MYB: variants seen among roughly 807,000 people sequenced by gnomAD.
MYB encodes the protein transcriptional activator Myb.
A neutral mutation model predicts 92.9 loss-of-function variants in MYB; 28 were observed. The ratio of observed to expected loss-of-function variants is 0.30; its 90% confidence interval spans 0.22 to 0.41. The LOEUF (loss-of-function observed/expected upper bound fraction) is 0.41, where lower values mean the gene tolerates loss of function less well. Among genes scored for constraint, MYB ranks in the 10% least tolerant of loss-of-function variants. The probability of loss-of-function intolerance (pLI) is 1.00; values close to 1 mark genes in which losing one functional copy is unlikely to be tolerated. For missense variants in MYB, 679 were observed against 929.3 expected (o/e 0.73, Z 3.50); for synonymous variants, 295 against 329.1 (o/e 0.90, Z 1.12).
At chr6:135,210,221 A>G (rs1779523376) in intron 15 of MYB, among the ~76,000 whole-genome samples, 2 of 152,186 alleles carry the variant, frequency 1.3e-5, no homozygotes, top group Admixed American at 6.5e-5. Context: ...GAACTTCTGT[A>G]TTTTTCTCTT....
intron 15 of MYB, among the ~76,000 whole-genome samples, chr6:135,212,371 C>G (rs532457229): frequency 3.3e-5 from 5 of 150,650 alleles, no homozygotes; most frequent in African/African-American, 1.2e-4. Flanking sequence ...TAATAAGAAC[C>G]GTTTTTGTTC....
chr6:135,218,879 CT>C lies in MYB; in HGVS notation c.*905del. 8.8e-6 allele frequency: 2 copies of C among 228,270 alleles called. No homozygotes were observed. The highest frequency in any genetic ancestry group is 5.7e-5 in the Admixed American group (1 of 17,598). 14.1% of individuals were successfully genotyped at this position (228,270 alleles called of 1,614,324 possible). A position where few individuals can be genotyped will look rare whatever the true frequency, so the allele number is the denominator to read the frequency against. On this transcript the variant is annotated 3_prime_UTR_variant, in exon 16 of 16. Coordinates refer to ENST00000341911, the MANE Select transcript of MYB (RefSeq NM_001130173.2). Reference sequence around the variant, plus strand: ...GTTTATACAAGCATGCGTTGCACTTCTTTTTTGGGAGATGTGTGTTGTTGAT... The same window carrying C: ...GTTTATACAAGCATGCGTTGCACTTCTTTTTGGGAGATGTGTGTTGTTGAT...
At position 135,192,385 on chromosome 6, in the gene MYB, G is replaced by A. The variant is rs2128292451; in HGVS notation, c.589G>A (p.Gly197Ser). 6.2e-7 allele frequency: 1 copy of A among 1,614,214 alleles called. No homozygotes were observed. The highest frequency in any genetic ancestry group is 8.5e-7 in the Non-Finnish European group (1 of 1,180,024). ...AATGCGTCGGAAGGTCGAACAGGAA[G>A]GTTATCTGCAGGAGTCTTCAAAAGC... ...STMRRKVEQE[G>S]YLQESSKASQ... is the part of the protein sequence containing the mutation. The change falls in exon 6 of 16, where the codon GGT (glycine) becomes AGT (serine). Residue 197 changes from glycine (G) to serine (S), a missense_variant. Gly to Ser is a moderately conservative substitution (Grantham distance 56). This residue lies in a region of MYB where 37 missense variants were observed against 98.0 expected (regional missense o/e 0.38). Coordinates refer to ENST00000341911, the MANE Select transcript of MYB (RefSeq NM_001130173.2).
chr6:135,202,762 A>T (rs1778308162), intron 14 of MYB: 1 of 357,396 alleles, frequency 2.8e-6, no homozygotes, highest in African/African-American at 2.1e-5. Flanking sequence ...CTAATAAGGG[A>T]TGGTGCTGGG....
In MYB at chr6:135,212,224, C is replaced by CTTTTTTTTTTTTTTTTTTTTTTTTT. The variant is rs545704827; in HGVS notation, c.2170-5631_2170-5607dup. 4.0e-4 allele frequency among the ~76,000 whole-genome samples: 13 copies of CTTTTTTTTTTTTTTTTTTTTTTTTT among 32,886 alleles called. 3 individuals carry two copies. The highest frequency in any genetic ancestry group is 4.6e-4 in the African/African-American group (4 of 8,776). 21.6% of individuals were successfully genotyped at this position (32,886 alleles called of 152,430 possible). ...CATCTGATGAGTTGCTTTGGTTTTA[C>CTTTTTTTTTTTTTTTTTTTTTTTTT]TTTTTTTTTTTTTTTTTTTTTTTTT... On this transcript the variant is annotated intron_variant, in intron 15 of 15. Transcript: ENST00000341911.
chr6:135,202,818 T>A, intron 14 of MYB: 1 of 416,880 alleles, frequency 2.4e-6, no homozygotes. Flanking sequence ...TTTTCACCAT[T>A]TTTTGCCAAT....
intron 2 of MYB, among the ~76,000 whole-genome samples, chr6:135,186,510 T>C (rs957841246): frequency 1.2e-4 from 18 of 152,208 alleles, no homozygotes; most frequent in African/African-American, 4.3e-4. Context: ...AATTCACAAA[T>C]GCTTGGACCC....
In MYB at chr6:135,197,179, A is replaced by G. The variant is rs1489451146; in HGVS notation, c.1422A>G (p.Thr474=). Residue 474 remains threonine (T), a synonymous_variant, in exon 10 of 16, where the codon ACA becomes ACG. Coordinates refer to ENST00000341911, the MANE Select transcript of MYB (RefSeq NM_001130173.2). ...TCTTACCTCCTGCAAGGCACAGCAC[A>G]ATTCCACTGGTCATCCTTCGAAAAA... The part of the protein sequence containing the change: ...PKVLPPARHS[T]IPLVILRKKR... 1.9e-6 allele frequency: 3 copies of G among 1,613,982 alleles called. No individual in the cohort carries two copies. Among genetic ancestry groups the G allele is most frequent in the Non-Finnish European group, 2.5e-6 (3 of 1,179,880 alleles).
chr6:135,194,877 T>A, intron 8 of MYB: 1 of 1,144,498 alleles, frequency 8.7e-7, no homozygotes, highest in Non-Finnish European at 1.1e-6. Flanking sequence ...TGATGCATGT[T>A]CAGTATATAC....
rs1168038411 is a variant in MYB, at chr6:135,190,648, A to G, written c.527+301A>G. On this transcript the variant is annotated intron_variant, in intron 5 of 15. Coordinates refer to ENST00000341911, the MANE Select transcript of MYB (RefSeq NM_001130173.2). This position sits in a 1 kb window ranked among gnomAD's most constrained non-coding sequence, Gnocchi z 4.5. ...TTAGGATCAAGTAAAATGAATGTCAAAGGACTTGGTAAACTATAAAACTCT... is the reference window on the plus strand; with the variant it reads ...TTAGGATCAAGTAAAATGAATGTCAGAGGACTTGGTAAACTATAAAACTCT... Among the ~76,000 whole-genome samples, 1 of 152,218 alleles carries G rather than the reference A, an allele frequency of 6.6e-6. No individual in the cohort carries two copies. The highest frequency in any genetic ancestry group is 1.5e-5 in the Non-Finnish European group (1 of 68,036).
At chr6:135,189,741 C>A in intron 3 of MYB, 50 bp from the exon 4 acceptor site, 1 of 1,492,402 alleles carries the variant, frequency 6.7e-7, no homozygotes, top group Non-Finnish European at 9.3e-7. Context: ...AAAAAATTCA[C>A]GTGCTTATCA....
intron 11 of MYB, 32 bp downstream of exon 11, chr6:135,199,082 A>G: frequency 6.6e-7 from 1 of 1,513,838 alleles, no homozygotes; most frequent in Non-Finnish European, 8.9e-7. Context: ...AAAATGATTT[A>G]TCTTATTTAC....
intron 15 of MYB, 50 bp from the exon 16 acceptor site, chr6:135,217,814 G>T: frequency 1.3e-5 from 17 of 1,321,534 alleles, no homozygotes; most frequent in Non-Finnish European, 1.9e-5. Context: ...TGGGTCTATA[G>T]AATGAGCTTC....
intron 15 of MYB, 59 bp downstream of exon 15, chr6:135,203,383 T>C (rs76426423): frequency 9.1e-7 from 1 of 1,094,788 alleles, no homozygotes; most frequent in Non-Finnish European, 1.3e-6. Context: ...CTGTCATCTT[T>C]GGTGGTGGTG....
At chr6:135,195,021 C>G in intron 8 of MYB, 1 of 1,336,096 alleles carries the variant, frequency 7.5e-7, no homozygotes, top group Non-Finnish European at 9.9e-7. Context: ...TGGGATGGCT[C>G]CTTGTGCTTT....
intron 15 of MYB, among the ~76,000 whole-genome samples, chr6:135,215,483 C>A (rs1780310529): frequency 6.6e-6 from 1 of 152,296 alleles, no homozygotes; most frequent in East Asian, 1.9e-4. Context: ...ATCCTCTCTT[C>A]CTTTCAAATT....
chr6:135,212,686 G>A (rs1473349489), intron 15 of MYB, among the ~76,000 whole-genome samples: 1 of 152,150 alleles, frequency 6.6e-6, no homozygotes, highest in African/African-American at 2.4e-5. Context: ...ATGATAGAGT[G>A]ACATGTCTGC....
intron 2 of MYB, among the ~76,000 whole-genome samples, chr6:135,186,959 C>T (rs1775997424): frequency 6.6e-6 from 1 of 152,154 alleles, no homozygotes; most frequent in South Asian, 2.1e-4. Flanking sequence ...GTAGGATTCC[C>T]AGAGAGGCCC....
chr6:135,206,408 T>A (rs1158838834), intron 15 of MYB, among the ~76,000 whole-genome samples: 3 of 147,300 alleles, frequency 2.0e-5, no homozygotes, highest in East Asian at 2.1e-4. Context: ...CTAAAAAAAA[T>A]TTTTTAAGGC....
Sources: allele counts gnomAD v4.1 joint callset (sites outside exome capture counted in the v4.1 genomes callset), GRCh38; gene constraint gnomAD v4.1.1; regional missense constraint gnomAD v4.1.1; non-coding constraint Gnocchi (gnomAD v3.1); transcripts MANE v1.5; gene names NCBI Gene and HGNC (gene_info 2026-07-23, HGNC 2026-07-21).